The following PEBP4 variants were observed in gnomAD, a reference collection of about 807,000 sequenced individuals.
PEBP4 encodes phosphatidylethanolamine-binding protein 4.
In PEBP4, 22 loss-of-function variants were observed where a neutral mutation model predicts 23.9. That is an observed-to-expected ratio of 0.92 (90% CI 0.66 to 1.31). The LOEUF is 1.31. PEBP4 is among the 40% of genes most tolerant of loss of function. PEBP4 has a pLI of 0.00. For missense variants in PEBP4, 324 were observed against 281.7 expected (o/e 1.15, Z -1.07); for synonymous variants, 112 against 99.3 (o/e 1.13, Z -0.76).
chr8:22,915,740 C>G (rs780694762), intron 3 of PEBP4, among the ~76,000 whole-genome samples: 3 of 152,212 alleles, frequency 2.0e-5, no homozygotes, highest in Non-Finnish European at 2.9e-5. Flanking sequence ...GAAGACGTCT[C>G]TGCTCCATCC....
At chr8:22,913,960 A>T (rs1809009614) in intron 3 of PEBP4, among the ~76,000 whole-genome samples, 2 of 148,270 alleles carry the variant, frequency 1.3e-5, no homozygotes, top group South Asian at 4.3e-4. Flanking sequence ...CTAGGACTAC[A>T]GGTGTGAACT....
intron 3 of PEBP4, among the ~76,000 whole-genome samples, chr8:22,918,162 G>A (rs558308071): frequency 6.6e-6 from 1 of 152,316 alleles, no homozygotes; most frequent in African/African-American, 2.4e-5. Flanking sequence ...GGAATAAGGT[G>A]GCACTCACTG....
intron 4 of PEBP4, among the ~76,000 whole-genome samples, chr8:22,780,078 A>AGCTGGGACCACAGGT (rs1441248404): frequency 1.3e-5 from 2 of 151,838 alleles, no homozygotes; most frequent in Non-Finnish European, 2.9e-5. Context: ...CCCCTGAAGT[A>AGCTGGGACCACAGGT]GCTGGGACCA....
intron 4 of PEBP4, among the ~76,000 whole-genome samples, chr8:22,808,859 T>A (rs1351007698): frequency 6.6e-6 from 1 of 152,240 alleles, no homozygotes; most frequent in East Asian, 1.9e-4. Context: ...TTGATTTTTT[T>A]ATTTATTGTA....
chr8:22,816,573 C>T (rs2128761638), intron 4 of PEBP4, among the ~76,000 whole-genome samples: 1 of 152,344 alleles, frequency 6.6e-6, no homozygotes, highest in Non-Finnish European at 1.5e-5. Flanking sequence ...AAGTCATTGG[C>T]TCATCATGAC....
intron 4 of PEBP4, among the ~76,000 whole-genome samples, chr8:22,788,551 C>T (rs1274761858): frequency 6.6e-6 from 1 of 152,192 alleles, no homozygotes; most frequent in African/African-American, 2.4e-5. Flanking sequence ...GGACAAATAC[C>T]TACACGTGTC....
rs1807885313 is a variant in PEBP4 at position 22,865,744 on chromosome 8, T to C, written c.259-48009A>G. On this transcript the variant is annotated intron_variant, in intron 3 of 6. Coordinates refer to ENST00000256404, the MANE Select transcript of PEBP4 (RefSeq NM_144962.3). This position sits in a 1 kb window ranked among gnomAD's most constrained non-coding sequence, Gnocchi z 6.9. ...AGAGGAATCTCCCCACCGGATCTGG[T>C]GGGCGGAAGATGGGCCACGCGGGAA... Among the ~76,000 whole-genome samples the C allele has an allele frequency of 6.6e-6, 1 of 151,932 alleles. No individual in the cohort carries two copies. Among genetic ancestry groups the C allele is most frequent in the Non-Finnish European group, 1.5e-5 (1 of 67,940 alleles).
At chr8:22,797,159 C>T (rs1046356608) in intron 4 of PEBP4, among the ~76,000 whole-genome samples, 3 of 148,592 alleles carry the variant, frequency 2.0e-5, no homozygotes, top group African/African-American at 5.0e-5. Context: ...AAGGCTGAGG[C>T]AGAAGAATCG....
intron 4 of PEBP4, among the ~76,000 whole-genome samples, chr8:22,804,791 A>G (rs899864011): frequency 6.6e-6 from 1 of 152,112 alleles, no homozygotes; most frequent in Non-Finnish European, 1.5e-5. Flanking sequence ...TAGAACCTCC[A>G]TCCTTCCTGG....
At chr8:22,923,604 G>T (rs189966516) in intron 2 of PEBP4, among the ~76,000 whole-genome samples, 16 of 152,194 alleles carry the variant, frequency 1.1e-4, no homozygotes, top group Admixed American at 9.8e-4. Flanking sequence ...AGCTGTGCCT[G>T]TATGAAGGGC....
chr8:22,868,282 T>A (rs2128769980), intron 3 of PEBP4, among the ~76,000 whole-genome samples: 1 of 152,230 alleles, frequency 6.6e-6, no homozygotes, highest in East Asian at 1.9e-4. Flanking sequence ...TGTTTGGGGA[T>A]TTGTCTTTGT....
intron 4 of PEBP4, among the ~76,000 whole-genome samples, chr8:22,762,535 C>T (rs1216351874): frequency 6.6e-6 from 1 of 152,130 alleles, no homozygotes; most frequent in Non-Finnish European, 1.5e-5. Context: ...CTCAGATTCT[C>T]AATCCTGAAG....
rs17088792 is a variant in PEBP4 at position 22,918,605 on chromosome 8, G to A, written c.258+1579C>T. The stretch of plus-strand genomic sequence containing the variant: ...TGGATGTCTGCAGCATCATCAGCAC[G>A]CGGAAGGGAGCCCTTTGGGGAGAAT... On this transcript the variant is annotated intron_variant, in intron 3 of 6. Coordinates refer to ENST00000256404, the MANE Select transcript of PEBP4 (RefSeq NM_144962.3). Among the ~76,000 whole-genome samples, 1,038 of 152,322 alleles carry A rather than the reference G, an allele frequency of 6.8e-3. 8 individuals are homozygous for A. The highest frequency in any genetic ancestry group is 0.017 in the Middle Eastern group (5 of 294).
intron 3 of PEBP4, 143 bp from the exon 4 acceptor site, chr8:22,817,878 G>A (rs1454673652): frequency 1.2e-5 from 8 of 695,412 alleles, no homozygotes; most frequent in South Asian, 6.8e-5. Flanking sequence ...CCTTGCTCTC[G>A]TGACATCCCT....
chr8:22,770,593 G>A (rs564549343), intron 4 of PEBP4, among the ~76,000 whole-genome samples: 39 of 152,322 alleles, frequency 2.6e-4, no homozygotes, highest in South Asian at 1.0e-3. Context: ...CTTCCTCCAG[G>A]TTATTCATTG....
chr8:22,815,043 G>C (rs555381733), intron 4 of PEBP4: 4 of 152,158 alleles, frequency 2.6e-5, no homozygotes, highest in Admixed American at 2.6e-4. Context: ...TAAGGGACGC[G>C]GATTGAAGAC....
chr8:22,861,943 G>A (rs12681578), intron 3 of PEBP4, among the ~76,000 whole-genome samples: 3 of 152,138 alleles, frequency 2.0e-5, no homozygotes, highest in Non-Finnish European at 2.9e-5. Flanking sequence ...TGGTTGGATC[G>A]GGAGCACGAA....
chr8:22,738,708 G>A (rs1585244825), intron 4 of PEBP4, among the ~76,000 whole-genome samples: 2 of 152,082 alleles, frequency 1.3e-5, no homozygotes, highest in Admixed American at 6.5e-5. Context: ...ATATACATAC[G>A]TTCACACACT....
At chr8:22,743,333 AAAG>A (rs1805039664) in intron 4 of PEBP4, among the ~76,000 whole-genome samples, 1 of 152,224 alleles carries the variant, frequency 6.6e-6, no homozygotes, top group African/African-American at 2.4e-5. Context: ...CTACTGTAAT[AAAG>A]AAGGGGCCTG....
Sources: gnomAD v4.1 joint callset for allele counts (sites outside exome capture counted in the v4.1 genomes callset) on GRCh38, gnomAD v4.1.1 for gene constraint, Gnocchi (gnomAD v3.1) non-coding constraint, MANE v1.5 for transcripts, NCBI Gene and HGNC (gene_info 2026-07-23, HGNC 2026-07-21) for gene names.